CCNY: variants seen among roughly 807,000 people sequenced by gnomAD.
CCNY encodes cyclin Y, also known as cyclin-Y.
CCNY carries 19 observed loss-of-function variants against 42.8 expected under a neutral mutation model. The observed-to-expected ratio is 0.44, with a 90% CI of 0.31 to 0.65. The LOEUF (loss-of-function observed/expected upper bound fraction) is 0.65. Among genes scored for constraint, CCNY ranks in the 30% least tolerant of loss-of-function variants. The pLI is 0.07. For synonymous variants in CCNY, 165 were observed against 162.7 expected (o/e 1.01, Z -0.11); for missense variants, 370 against 437.3 (o/e 0.85, Z 1.37).
chr10:35,488,161 C>T (rs1839824156), intron 2 of CCNY, among the ~76,000 whole-genome samples: 1 of 152,156 alleles, frequency 6.6e-6, no homozygotes, highest in Non-Finnish European at 1.5e-5. Context: ...TAAAAACTAT[C>T]CATCCCTTGA....
intron 3 of CCNY, among the ~76,000 whole-genome samples, chr10:35,262,823 CG>C (rs2095721088): frequency 6.6e-6 from 1 of 151,620 alleles, no homozygotes; most frequent in Admixed American, 6.6e-5. Context: ...AGTCTTTTCT[CG>C]GAAGAGTTTT....
At chr10:35,371,618 A>G (rs1045721042) in intron 1 of CCNY, among the ~76,000 whole-genome samples, 11 of 151,980 alleles carry the variant, frequency 7.2e-5, no homozygotes, top group Non-Finnish European at 2.9e-5. Context: ...TACAGTTTTA[A>G]CGTGAGGCCT....
At chr10:35,369,178 G>T (rs1012062615) in intron 1 of CCNY, among the ~76,000 whole-genome samples, 13 of 152,214 alleles carry the variant, frequency 8.5e-5, no homozygotes, top group African/African-American at 1.2e-4. Flanking sequence ...CATTCATTAA[G>T]AGTGTGTGAG....
chr10:35,308,112 C>T (rs1367772147), intron 3 of CCNY, among the ~76,000 whole-genome samples: 1 of 151,058 alleles, frequency 6.6e-6, no homozygotes, highest in African/African-American at 2.4e-5. Flanking sequence ...CCACCGTGCC[C>T]GGCCGAGGTA....
intron 3 of CCNY, among the ~76,000 whole-genome samples, chr10:35,502,191 C>T (rs897096130): frequency 1.7e-4 from 26 of 152,170 alleles, no homozygotes; most frequent in African/African-American, 5.6e-4. Flanking sequence ...GCACCTACTC[C>T]ACACCCTATA....
intron 4 of CCNY, among the ~76,000 whole-genome samples, chr10:35,519,336 C>T (rs911431645): frequency 2.6e-5 from 4 of 151,984 alleles, no homozygotes; most frequent in African/African-American, 9.7e-5. Flanking sequence ...GGATTTTTAA[C>T]AGATCTTGAT....
rs187946964 is a variant in CCNY at position 35,561,322 on chromosome 10, G to A, written c.747-4701G>A. Among the ~76,000 whole-genome samples the A allele has an allele frequency of 4.3e-3, 651 of 152,304 alleles. 3 individuals carry two copies. The highest frequency in any genetic ancestry group is 7.1e-3 in the Non-Finnish European group (480 of 68,032). ...CTGGGGTGGGCTCCATCCTATCAAGGGCTGCCCTGCTGCATTTTTCTATAA... is the reference window on the plus strand; with the variant it reads ...CTGGGGTGGGCTCCATCCTATCAAGAGCTGCCCTGCTGCATTTTTCTATAA... On this transcript the variant is annotated intron_variant, in intron 8 of 9. Coordinates refer to ENST00000374704, the MANE Select transcript of CCNY (RefSeq NM_145012.6).
At chr10:35,258,765 G>A (rs1419599242) in intron 3 of CCNY, among the ~76,000 whole-genome samples, 1 of 151,948 alleles carries the variant, frequency 6.6e-6, no homozygotes, top group African/African-American at 2.4e-5. Context: ...GTGAAACCCT[G>A]TCTCTACTAA....
At chr10:35,515,211 T>C (rs1418546655) in intron 3 of CCNY, among the ~76,000 whole-genome samples, 2 of 152,214 alleles carry the variant, frequency 1.3e-5, no homozygotes, top group Non-Finnish European at 2.9e-5. Flanking sequence ...TTCTGAATTT[T>C]CCTGGTTGTG....
chr10:35,287,174 A>G (rs1031512507), intron 3 of CCNY, among the ~76,000 whole-genome samples: 1 of 152,228 alleles, frequency 6.6e-6, no homozygotes, highest in African/African-American at 2.4e-5. Context: ...TTATTATAAA[A>G]ATGTGTTCTA....
intron 1 of CCNY, among the ~76,000 whole-genome samples, chr10:35,398,804 C>A (rs548278002): frequency 6.6e-6 from 1 of 152,240 alleles, no homozygotes; most frequent in South Asian, 2.1e-4. Flanking sequence ...TGAAAATATG[C>A]TCAATTTTTA....
At chr10:35,411,059 G>A (rs778822363) in intron 1 of CCNY, among the ~76,000 whole-genome samples, 4 of 152,268 alleles carry the variant, frequency 2.6e-5, no homozygotes, top group Non-Finnish European at 5.9e-5. Context: ...GTTGTCTTTA[G>A]TATTTTGTCA....
At chr10:35,509,179 A>G (rs1840272250) in intron 3 of CCNY, among the ~76,000 whole-genome samples, 1 of 152,180 alleles carries the variant, frequency 6.6e-6, no homozygotes. Context: ...TTCATAGAGA[A>G]TGATTTGGTT....
At chr10:35,522,360 C>T (rs934990637) in intron 4 of CCNY, among the ~76,000 whole-genome samples, 1 of 152,190 alleles carries the variant, frequency 6.6e-6, no homozygotes, top group Non-Finnish European at 1.5e-5. Context: ...GAGATGAGCA[C>T]GCCTCCTGTT....
chr10:35,252,787 T>C (rs1436066988), intron 3 of CCNY, among the ~76,000 whole-genome samples: 3 of 152,186 alleles, frequency 2.0e-5, no homozygotes, highest in East Asian at 1.9e-4. Flanking sequence ...AATGACTTTA[T>C]TGAATAGCAG....
intron 3 of CCNY, among the ~76,000 whole-genome samples, chr10:35,286,687 T>C (rs1271086384): frequency 7.6e-6 from 1 of 132,014 alleles, no homozygotes; most frequent in Non-Finnish European, 1.6e-5. Flanking sequence ...AGATGGAGTG[T>C]CTCGCTCTGT....
chr10:35,409,034 A>G (rs1837845884), intron 1 of CCNY, among the ~76,000 whole-genome samples: 1 of 152,184 alleles, frequency 6.6e-6, no homozygotes, highest in African/African-American at 2.4e-5. Context: ...AGCAGAAATC[A>G]GATTTACCCT....
At chr10:35,401,262 G>A (rs1197348725) in intron 1 of CCNY, among the ~76,000 whole-genome samples, 1 of 152,370 alleles carries the variant, frequency 6.6e-6, no homozygotes, top group Non-Finnish European at 1.5e-5. Context: ...GCAGAGGACT[G>A]CGTAGAGGAC....
intron 3 of CCNY, among the ~76,000 whole-genome samples, chr10:35,274,145 G>A (rs1835207631): frequency 6.6e-6 from 1 of 152,172 alleles, no homozygotes; most frequent in Non-Finnish European, 1.5e-5. Flanking sequence ...CACAATCATG[G>A]CAGAAGGCAA....
Sources: allele counts gnomAD v4.1 joint callset (sites outside exome capture counted in the v4.1 genomes callset), GRCh38; gene constraint gnomAD v4.1.1; transcripts MANE v1.5; gene names NCBI Gene and HGNC (gene_info 2026-07-23, HGNC 2026-07-21).